Variants in HMBOX1 observed in about 807,000 individuals in gnomAD.
The protein encoded by HMBOX1 is homeobox containing 1.
A neutral mutation model predicts 54.5 loss-of-function variants in HMBOX1; 14 were observed. That is an observed-to-expected ratio of 0.26 (90% confidence interval 0.17 to 0.40). The LOEUF (loss-of-function observed/expected upper bound fraction) is 0.40, where lower values mean the gene tolerates loss of function less well. HMBOX1 is among the 10% of genes least tolerant of loss of function. HMBOX1 has a pLI of 1.00. For missense variants in HMBOX1, 332 were observed against 514.4 expected (o/e 0.65, Z 3.43); for synonymous variants, 160 against 181.0 (o/e 0.88, Z 0.93).
chr8:28,896,347 ATG>A (rs1481799181), intron 1 of HMBOX1, among the ~76,000 whole-genome samples: 2 of 152,228 alleles, frequency 1.3e-5, no homozygotes, highest in African/African-American at 2.4e-5. Flanking sequence ...CATCAGTACA[ATG>A]TGTGTGTATA....
intron 1 of HMBOX1, among the ~76,000 whole-genome samples, chr8:28,942,135 G>A (rs1190648630): frequency 2.6e-5 from 4 of 152,326 alleles, no homozygotes; most frequent in South Asian, 4.1e-4. Context: ...GGGTGCCCCG[G>A]AGGTGCCAGG....
intron 1 of HMBOX1, among the ~76,000 whole-genome samples, chr8:28,945,813 T>TC (rs1406629560): frequency 6.6e-6 from 1 of 152,054 alleles, no homozygotes; most frequent in Non-Finnish European, 1.5e-5. Flanking sequence ...TTTTTTTTTT[T>TC]CCACTTTTTG....
chr8:28,906,283 T>C (rs1814319468), intron 1 of HMBOX1, among the ~76,000 whole-genome samples: 1 of 152,210 alleles, frequency 6.6e-6, no homozygotes, highest in South Asian at 2.1e-4. Context: ...TGATGGTGGT[T>C]TCTTTATCTA....
intron 1 of HMBOX1, chr8:28,924,545 C>G (rs1585829348): frequency 7.2e-6 from 1 of 138,788 alleles, no homozygotes; most frequent in South Asian, 2.2e-4. Context: ...CCCCTGTTTT[C>G]TTCTAAGAGT....
chr8:28,907,805 C>T lies in HMBOX1; in HGVS notation c.-58+17127C>T, dbSNP rs113299037. On this transcript the variant is annotated intron_variant, in intron 1 of 9. Coordinates refer to ENST00000287701, the MANE Select transcript of HMBOX1 (RefSeq NM_001135726.3). ...ATTCATTGACATACATTTGGGACAT[C>T]GTGTTGTATACTATATGAAATATAC... Among the ~76,000 whole-genome samples, 423 of 151,280 alleles carry T rather than the reference C, an allele frequency of 2.8e-3. 4 individuals carry two copies. The highest frequency in any genetic ancestry group is 9.4e-3 in the African/African-American group (387 of 41,338).
intron 1 of HMBOX1, among the ~76,000 whole-genome samples, chr8:28,932,592 C>G (rs764572691): frequency 1.1e-4 from 16 of 152,258 alleles, no homozygotes; most frequent in Non-Finnish European, 2.1e-4. Flanking sequence ...CCCTTATTAT[C>G]AAACCTTCAA....
At chr8:28,940,637 A>T (rs1257811950) in intron 1 of HMBOX1, among the ~76,000 whole-genome samples, 7 of 152,218 alleles carry the variant, frequency 4.6e-5, no homozygotes, top group Non-Finnish European at 2.9e-5. Flanking sequence ...TGGTTTGCAG[A>T]CATCTTTTGG....
intron 4 of HMBOX1, among the ~76,000 whole-genome samples, chr8:28,999,666 T>C (rs535879446): frequency 7.3e-4 from 111 of 152,262 alleles, no homozygotes; most frequent in South Asian, 5.6e-3. Flanking sequence ...ATATCTACCG[T>C]TGAGTCCTTT....
intron 1 of HMBOX1, among the ~76,000 whole-genome samples, chr8:28,894,447 G>A (rs566077322): frequency 6.6e-6 from 1 of 152,146 alleles, no homozygotes; most frequent in African/African-American, 2.4e-5. Flanking sequence ...TATAGAAGCT[G>A]AGGAGATTTT....
intron 1 of HMBOX1, among the ~76,000 whole-genome samples, chr8:28,960,753 C>CTTTTTTTTTTTTTTGTTTTT (rs1023356056): frequency 1.5e-5 from 1 of 65,658 alleles, no homozygotes; most frequent in African/African-American, 6.2e-5. Flanking sequence ...TTCTCTTTTT[C>CTTTTTTTTTTTTTTGTTTTT]TTTTTCTTTT....
chr8:28,935,180 G>C (rs1485697564), intron 1 of HMBOX1, among the ~76,000 whole-genome samples: 1 of 152,158 alleles, frequency 6.6e-6, no homozygotes, highest in Non-Finnish European at 1.5e-5. Flanking sequence ...TCAATAATTT[G>C]TAATTTTCAG....
chr8:28,926,706 TA>T (rs1334861423), intron 1 of HMBOX1, among the ~76,000 whole-genome samples: 6 of 152,132 alleles, frequency 3.9e-5, no homozygotes, highest in Admixed American at 1.3e-4. Flanking sequence ...TAGCTAGGAC[TA>T]CAAGTGTATA....
intron 1 of HMBOX1, among the ~76,000 whole-genome samples, chr8:28,927,804 A>G (rs1818793718): frequency 7.7e-6 from 1 of 129,780 alleles, no homozygotes; most frequent in Non-Finnish European, 1.6e-5. Context: ...GTTTTGTTGC[A>G]TGGGCAACAA....
chr8:29,008,856 T>C (rs1204772199), intron 4 of HMBOX1, among the ~76,000 whole-genome samples: 1 of 152,210 alleles, frequency 6.6e-6, no homozygotes, highest in Non-Finnish European at 1.5e-5. Flanking sequence ...TCTTAATTAA[T>C]AAACTGCCTT....
Position 29,049,006 on chromosome 8 carries a change from C to T in HMBOX1, c.1083C>T (p.His361=). Residue 361 remains histidine, a synonymous_variant, in exon 9 of 10, where the codon CAC becomes CAT. Transcript: ENST00000287701. ...HGIDVQSPGG[H]SNSDDVDGND... is the part of the protein sequence containing the mutation. ...TAGATGTGCAGAGTCCAGGAGGCCA[C>T]TCAAACAGTGATGATGTCGACGGGA... 3 of 1,614,106 alleles carry T rather than the reference C, an allele frequency of 1.9e-6. No homozygotes were observed. The highest frequency in any genetic ancestry group is 2.5e-6 in the Non-Finnish European group (3 of 1,180,010).
intron 1 of HMBOX1, among the ~76,000 whole-genome samples, chr8:28,963,280 G>A (rs753381640): frequency 2.6e-5 from 4 of 152,104 alleles, no homozygotes; most frequent in Non-Finnish European, 5.9e-5. Context: ...CACCACGCCT[G>A]GCCTGTTTTT....
At chr8:28,942,256 T>G (rs1821578801) in intron 1 of HMBOX1, among the ~76,000 whole-genome samples, 1 of 152,188 alleles carries the variant, frequency 6.6e-6, no homozygotes, top group Non-Finnish European at 1.5e-5. Flanking sequence ...CCGCTCTAGG[T>G]TCTTGCTGAA....
At chr8:28,960,765 C>CTTTTTTTTTTTTTTTTTTTTT (rs1162477676) in intron 1 of HMBOX1, among the ~76,000 whole-genome samples, 9 of 16,252 alleles carry the variant, frequency 5.5e-4, no homozygotes, top group Admixed American at 1.0e-3. Flanking sequence ...TTTTCTTTTT[C>CTTTTTTTTTTTTTTTTTTTTT]TTTTTTTTTT....
intron 1 of HMBOX1, among the ~76,000 whole-genome samples, chr8:28,913,393 A>G (rs1457629474): frequency 2.0e-5 from 3 of 151,970 alleles, no homozygotes; most frequent in Non-Finnish European, 4.4e-5. Flanking sequence ...CTGTTACCCC[A>G]CATGCTGTTC....
Sources: allele counts gnomAD v4.1 joint callset (sites outside exome capture counted in the v4.1 genomes callset), GRCh38; gene constraint gnomAD v4.1.1; transcripts MANE v1.5; gene names NCBI Gene and HGNC (gene_info 2026-07-23, HGNC 2026-07-21).